The following PARD3B variants were observed in gnomAD, a reference collection of about 807,000 sequenced individuals.
PARD3B encodes partitioning defective 3 homolog B.
A neutral mutation model predicts 130.2 loss-of-function variants in PARD3B; 103 were observed. The ratio of observed to expected loss-of-function variants is 0.79; its 90% CI spans 0.67 to 0.93. The LOEUF is 0.93. Ranked by LOEUF, PARD3B falls within the 40% of genes least tolerant of loss-of-function variation. The pLI is 0.00. For synonymous variants in PARD3B, 583 were observed against 553.2 expected (o/e 1.05, Z -0.76); for missense variants, 1,609 against 1,499.2 (o/e 1.07, Z -1.21).
rs550153731 is a variant in PARD3B at position 204,667,564 on chromosome 2, C to A, written c.121-18617C>A. ...ATTAAGGCAAATACTGAACTTGACT[C>A]ACATTTTCCACCTTCCCATTCTGTC... On this transcript the variant is annotated intron_variant, in intron 1 of 22. Coordinates refer to ENST00000406610, the MANE Select transcript of PARD3B (RefSeq NM_001302769.2). Among the ~76,000 whole-genome samples the A allele has an allele frequency of 1.2e-3, 189 of 152,246 alleles. 1 individual carries two copies. The highest frequency in any genetic ancestry group is 4.4e-3 in the African/African-American group (184 of 41,540).
chr2:205,056,268 T>C (rs915175653), intron 4 of PARD3B, among the ~76,000 whole-genome samples: 1 of 152,104 alleles, frequency 6.6e-6, no homozygotes, highest in African/African-American at 2.4e-5. Context: ...TGGTTTCTGC[T>C]TTCAAAATCT....
intron 16 of PARD3B, among the ~76,000 whole-genome samples, chr2:205,286,019 A>G (rs1371894116): frequency 6.6e-6 from 1 of 152,228 alleles, no homozygotes; most frequent in East Asian, 1.9e-4. Flanking sequence ...ATAATAACAA[A>G]TGATGGGAAA....
At chr2:204,964,255 C>A (rs574781413) in intron 2 of PARD3B, among the ~76,000 whole-genome samples, 5 of 152,266 alleles carry the variant, frequency 3.3e-5, no homozygotes, top group Non-Finnish European at 2.9e-5. Flanking sequence ...TGATGAGAAA[C>A]CCTTGAAGTT....
At chr2:204,912,238 T>A (rs1304822584) in intron 2 of PARD3B, among the ~76,000 whole-genome samples, 1 of 152,216 alleles carries the variant, frequency 6.6e-6, no homozygotes, top group Non-Finnish European at 1.5e-5. Context: ...ACATGCAGCC[T>A]AAACTGCATG....
At chr2:205,580,546 G>A (rs2053925465) in intron 22 of PARD3B, among the ~76,000 whole-genome samples, 1 of 152,076 alleles carries the variant, frequency 6.6e-6, no homozygotes, top group Non-Finnish European at 1.5e-5. Flanking sequence ...TCTCAAATCT[G>A]CACCAAAAGC....
intron 21 of PARD3B, among the ~76,000 whole-genome samples, chr2:205,523,902 T>C (rs2051213188): frequency 1.3e-5 from 2 of 150,982 alleles, no homozygotes; most frequent in South Asian, 4.2e-4. Flanking sequence ...GATAATATTC[T>C]TTATATATAA....
chr2:204,980,737 G>A (rs1181244060), intron 3 of PARD3B, among the ~76,000 whole-genome samples: 1 of 152,114 alleles, frequency 6.6e-6, no homozygotes, highest in African/African-American at 2.4e-5. Context: ...TACCTGACAA[G>A]TCCTCTTCAC....
intron 16 of PARD3B, among the ~76,000 whole-genome samples, chr2:205,296,067 T>G (rs1288292491): frequency 2.6e-5 from 4 of 152,194 alleles, no homozygotes; most frequent in Non-Finnish European, 5.9e-5. Context: ...AATCTAAGAT[T>G]TCCCTCATTG....
intron 2 of PARD3B, among the ~76,000 whole-genome samples, chr2:204,823,889 G>A (rs537019557): frequency 6.7e-5 from 10 of 149,138 alleles, no homozygotes; most frequent in African/African-American, 2.0e-4. Flanking sequence ...GCAGTGAGCC[G>A]AGATCACACC....
At chr2:204,732,216 A>G (rs547005927) in intron 2 of PARD3B, among the ~76,000 whole-genome samples, 39 of 152,222 alleles carry the variant, frequency 2.6e-4, no homozygotes, top group Admixed American at 2.1e-3. Context: ...AAGAAGAAAG[A>G]TTGGATTATG....
chr2:205,117,673 T>C (rs2029994941), intron 6 of PARD3B, among the ~76,000 whole-genome samples: 2 of 152,162 alleles, frequency 1.3e-5, no homozygotes, highest in African/African-American at 4.8e-5. Flanking sequence ...CAAAAGAGAG[T>C]GACAAAGTCG....
chr2:205,080,376 G>C (rs1001356404), intron 4 of PARD3B, among the ~76,000 whole-genome samples: 1 of 151,780 alleles, frequency 6.6e-6, no homozygotes, highest in East Asian at 1.9e-4. Context: ...CAGATTAATT[G>C]TTGCCTTTAT....
intron 19 of PARD3B, among the ~76,000 whole-genome samples, chr2:205,413,542 A>G (rs77587803): frequency 0.026 from 3,988 of 152,296 alleles, 68 homozygotes; most frequent in Middle Eastern, 0.041. Flanking sequence ...TGGAACTAAG[A>G]GCAGAATAGG....
chr2:205,530,820 G>C lies in PARD3B; in HGVS notation c.3181-22504G>C, dbSNP rs1002126416. On this transcript the variant is annotated intron_variant, in intron 21 of 22. Coordinates refer to ENST00000406610, the MANE Select transcript of PARD3B (RefSeq NM_001302769.2). This position sits in a 1 kb window ranked among gnomAD's most constrained non-coding sequence, Gnocchi z 4.7. ...GGACGATTCAAGAAGATGAAATGGGGAAGAAAGAAACGATGACTCTAGAGG... is the reference window on the plus strand; with the variant it reads ...GGACGATTCAAGAAGATGAAATGGGCAAGAAAGAAACGATGACTCTAGAGG... 3.4e-4 allele frequency among the ~76,000 whole-genome samples: 52 copies of C among 152,170 alleles called. No individual in the cohort carries two copies. The highest frequency in any genetic ancestry group is 4.4e-5 in the Non-Finnish European group (3 of 68,036).
intron 2 of PARD3B, among the ~76,000 whole-genome samples, chr2:204,695,695 TGAG>T (rs2037578413): frequency 6.6e-6 from 1 of 152,004 alleles, no homozygotes; most frequent in Non-Finnish European, 1.5e-5. Flanking sequence ...GCAGCAGCCC[TGAG>T]GTATTTAAGC....
At chr2:205,395,607 T>C (rs2046000032) in intron 18 of PARD3B, among the ~76,000 whole-genome samples, 2 of 152,198 alleles carry the variant, frequency 1.3e-5, no homozygotes, top group African/African-American at 4.8e-5. Context: ...ATGTTTTAAA[T>C]TGAATCTTTT....
intron 4 of PARD3B, among the ~76,000 whole-genome samples, chr2:205,063,940 G>A (rs73057125): frequency 1.3e-5 from 2 of 150,392 alleles, no homozygotes; most frequent in Admixed American, 6.6e-5. Context: ...AAAAAAAAAC[G>A]CATATCCAAA....
chr2:205,615,664 C>A lies in PARD3B; in HGVS notation c.3469C>A (p.Gln1157Lys). Residue 1157 changes from glutamine (Q) to lysine (K), a missense_variant, in exon 23 of 23, where the codon CAA becomes AAA. Gln to Lys is a moderately conservative substitution (Grantham distance 53). Coordinates refer to ENST00000406610, the MANE Select transcript of PARD3B (RefSeq NM_001302769.2). ...PAPQHKGPFRQDVPPSPPQHQ... is the reference protein window; with the variant it reads ...PAPQHKGPFRKDVPPSPPQHQ... The stretch of plus-strand genomic sequence containing the variant: ...TCCCCAGCACAAAGGACCCTTTCGA[C>A]AAGACGTTCCGCCTTCCCCTCCCCA... The A allele has an allele frequency of 6.2e-7, 1 of 1,614,124 alleles. No individual in the cohort carries two copies. Among genetic ancestry groups the A allele is most frequent in the Non-Finnish European group, 8.5e-7 (1 of 1,180,016 alleles).
rs1574680283 is a variant in PARD3B at position 204,678,765 on chromosome 2, C to T, written c.121-7416C>T. 1.3e-5 allele frequency among the ~76,000 whole-genome samples: 2 copies of T among 152,102 alleles called. No homozygotes were observed. The highest frequency in any genetic ancestry group is 2.9e-5 in the Non-Finnish European group (2 of 68,022). On this transcript the variant is annotated intron_variant, in intron 1 of 22. Coordinates refer to ENST00000406610, the MANE Select transcript of PARD3B (RefSeq NM_001302769.2). This position sits in a 1 kb window ranked among gnomAD's most constrained non-coding sequence, Gnocchi z 4.2. ...GGAGGCTGGGTGGGCCAAAAAGTAG[C>T]ATTTGAGCTGGAAAACGGATAACTG...
Sources: gnomAD v4.1 joint callset for allele counts (sites outside exome capture counted in the v4.1 genomes callset) on GRCh38, gnomAD v4.1.1 for gene constraint, Gnocchi (gnomAD v3.1) non-coding constraint, MANE v1.5 for transcripts, NCBI Gene and HGNC (gene_info 2026-07-23, HGNC 2026-07-21) for gene names.